The following CTNNA2 variants were observed in gnomAD, a reference collection of about 807,000 sequenced individuals.
CTNNA2 encodes catenin alpha-2.
In CTNNA2, 42 loss-of-function variants were observed where a neutral mutation model predicts 101.0. The observed-to-expected ratio is 0.42, with a 90% CI of 0.32 to 0.54. CTNNA2 has a LOEUF of 0.54. CTNNA2 is among the 20% of genes least tolerant of loss of function. The probability of loss-of-function intolerance (pLI) is 0.14; values close to 1 mark genes in which losing one functional copy is unlikely to be tolerated. For missense variants in CTNNA2, 871 were observed against 1,223.1 expected (o/e 0.71, Z 4.29); for synonymous variants, 450 against 456.4 (o/e 0.99, Z 0.18).
intron 3 of CTNNA2, among the ~76,000 whole-genome samples, chr2:79,331,543 C>T (rs1676872283): frequency 6.6e-6 from 1 of 152,156 alleles, no homozygotes; most frequent in Non-Finnish European, 1.5e-5. Flanking sequence ...TCTTATTCTG[C>T]TTCTAATCCC....
At chr2:80,549,208 C>T (rs1449269189) in intron 11 of CTNNA2, among the ~76,000 whole-genome samples, 1 of 152,156 alleles carries the variant, frequency 6.6e-6, no homozygotes, top group African/African-American at 2.4e-5. Context: ...TTAAAATAAG[C>T]ATCTTGGCAT....
At chr2:79,545,484 G>T (rs1031339179) in intron 1 of CTNNA2, among the ~76,000 whole-genome samples, 35 of 152,240 alleles carry the variant, frequency 2.3e-4, no homozygotes, top group Admixed American at 1.9e-3. Context: ...AAAAGGAACT[G>T]GTTTAACTCC....
chr2:79,262,805 G>A (rs1273870717), intron 2 of CTNNA2, among the ~76,000 whole-genome samples: 1 of 152,104 alleles, frequency 6.6e-6, no homozygotes, highest in Non-Finnish European at 1.5e-5. Context: ...TTCATAATCA[G>A]CAGGTAAATT....
intron 7 of CTNNA2, among the ~76,000 whole-genome samples, chr2:80,377,276 A>G (rs906777743): frequency 7.9e-5 from 12 of 152,234 alleles, no homozygotes; most frequent in African/African-American, 2.7e-4. Flanking sequence ...TCCATAGTTC[A>G]GATTCTTGGC....
At chr2:80,040,211 G>T (rs1393543412) in intron 7 of CTNNA2, among the ~76,000 whole-genome samples, 1 of 152,104 alleles carries the variant, frequency 6.6e-6, no homozygotes, top group Non-Finnish European at 1.5e-5. Flanking sequence ...TATCTGCTGA[G>T]TTTAATTTTG....
chr2:80,552,857 G>C (rs1252703111), intron 11 of CTNNA2, among the ~76,000 whole-genome samples: 1 of 152,068 alleles, frequency 6.6e-6, no homozygotes, highest in Non-Finnish European at 1.5e-5. Flanking sequence ...TATGTGGTCT[G>C]TTATTGACTG....
rs548881864 is a variant in CTNNA2, at chr2:79,770,536, A to G, written c.298+25954A>G. 1.3e-4 allele frequency among the ~76,000 whole-genome samples: 20 copies of G among 152,334 alleles called. No homozygotes were observed. In the South Asian group the frequency reaches 4.1e-3, roughly 32 times the overall value. ...AGATGAACAGGCATACCACAAAAAT[A>G]CTGTCTGCACACAGTAAGCTATGTT... On this transcript the variant is annotated intron_variant, in intron 3 of 18. Coordinates refer to ENST00000402739, the MANE Select transcript of CTNNA2 (RefSeq NM_001282597.3).
intron 1 of CTNNA2, among the ~76,000 whole-genome samples, chr2:79,606,163 A>T (rs1573460701): frequency 6.6e-6 from 1 of 152,338 alleles, no homozygotes; most frequent in East Asian, 1.9e-4. Context: ...ATGACATTAG[A>T]TTGAAATATG....
Position 80,098,003 on chromosome 2 carries a change from A to G in CTNNA2, c.1056+188206A>G, listed in dbSNP as rs117991874. 7.2e-4 allele frequency among the ~76,000 whole-genome samples: 109 copies of G among 151,924 alleles called. No homozygotes were observed. In the East Asian group the frequency reaches 0.021, roughly 29 times the overall value. ...GATCTTCTGAAACCTTCTTCTCTCA[A>G]CCTGTCAAAGTTAGTCTCCATCCAG... is the stretch of plus-strand genomic sequence containing the variant. On this transcript the variant is annotated intron_variant, in intron 7 of 18. Transcript: ENST00000402739.
intron 2 of CTNNA2, among the ~76,000 whole-genome samples, chr2:79,676,983 G>A (rs1208636617): frequency 6.6e-6 from 1 of 152,030 alleles, no homozygotes; most frequent in Non-Finnish European, 1.5e-5. Flanking sequence ...ACCTGCCCAG[G>A]TCTGAGTTTG....
chr2:80,565,924 T>G (rs1305760879), intron 12 of CTNNA2, among the ~76,000 whole-genome samples: 2 of 152,164 alleles, frequency 1.3e-5, no homozygotes, highest in Non-Finnish European at 2.9e-5. Flanking sequence ...TAAATTGGTT[T>G]AATAACGTGT....
chr2:79,946,750 G>A (rs1244032815), intron 7 of CTNNA2, among the ~76,000 whole-genome samples: 1 of 152,170 alleles, frequency 6.6e-6, no homozygotes, highest in East Asian at 1.9e-4. Flanking sequence ...GTTACTTTCA[G>A]TAAGAGGGGT....
chr2:79,814,085 A>C (rs1436666206), intron 3 of CTNNA2, among the ~76,000 whole-genome samples: 2 of 152,142 alleles, frequency 1.3e-5, no homozygotes, highest in Non-Finnish European at 2.9e-5. Context: ...AAAGGACAGC[A>C]GTCACTTAAG....
At chr2:79,891,253 T>C (rs1684283001) in intron 6 of CTNNA2, among the ~76,000 whole-genome samples, 1 of 152,100 alleles carries the variant, frequency 6.6e-6, no homozygotes, top group Admixed American at 6.6e-5. Flanking sequence ...ACTGACCAGA[T>C]TTGCATGGAA....
At chr2:80,100,600 T>C (rs781261875) in intron 7 of CTNNA2, among the ~76,000 whole-genome samples, 7 of 152,212 alleles carry the variant, frequency 4.6e-5, no homozygotes, top group Non-Finnish European at 8.8e-5. Context: ...TGAGTTCCAC[T>C]ATCACTTGGG....
chr2:79,278,770 G>C (rs1189022748), intron 2 of CTNNA2, among the ~76,000 whole-genome samples: 1 of 152,096 alleles, frequency 6.6e-6, no homozygotes, highest in Non-Finnish European at 1.5e-5. Context: ...GTCAGGGACT[G>C]ACTGGGTTAT....
chr2:79,192,057 G>A (rs79409030), intron 1 of CTNNA2, among the ~76,000 whole-genome samples: 2,554 of 152,082 alleles, frequency 0.017, 96 homozygotes, highest in East Asian at 0.1. Context: ...GGTTGAAGTC[G>A]GTGGAAGAGT....
At chr2:79,907,291 A>T (rs989558937) in intron 6 of CTNNA2, among the ~76,000 whole-genome samples, 1 of 152,088 alleles carries the variant, frequency 6.6e-6, no homozygotes, top group African/African-American at 2.4e-5. Flanking sequence ...TTCTTCAATT[A>T]GAATATTATT....
chr2:80,080,071 G>A (rs1302318057), intron 7 of CTNNA2, among the ~76,000 whole-genome samples: 1 of 152,210 alleles, frequency 6.6e-6, no homozygotes, highest in East Asian at 1.9e-4. Flanking sequence ...TTGGTCTGAA[G>A]GTTCAAGTGT....
Sources: allele counts gnomAD v4.1 joint callset (sites outside exome capture counted in the v4.1 genomes callset), GRCh38; gene constraint gnomAD v4.1.1; transcripts MANE v1.5; gene names NCBI Gene and HGNC (gene_info 2026-07-23, HGNC 2026-07-21).